Variants in IQCM observed in about 807,000 individuals in gnomAD.
The protein encoded by IQCM is IQ domain-containing protein M.
A neutral mutation model predicts 57.6 loss-of-function variants in IQCM; 45 were observed. That is an observed-to-expected ratio of 0.78 (90% CI 0.62 to 1.00). The LOEUF (loss-of-function observed/expected upper bound fraction) is 1.00. IQCM is among the 50% of genes least tolerant of loss of function. The pLI, the probability that IQCM is intolerant of heterozygous loss-of-function variation, is 0.00. For missense variants in IQCM, 468 were observed against 511.6 expected (o/e 0.91, Z 0.82); for synonymous variants, 148 against 158.9 (o/e 0.93, Z 0.51).
At chr4:149,689,029 G>A (rs1762753919) in intron 5 of IQCM, among the ~76,000 whole-genome samples, 1 of 152,032 alleles carries the variant, frequency 6.6e-6, no homozygotes, top group South Asian at 2.1e-4. Context: ...AATCCTTCTA[G>A]ACATTGGCTT....
chr4:149,353,027 A>C (rs1422495591), intron 13 of IQCM, among the ~76,000 whole-genome samples: 1 of 152,194 alleles, frequency 6.6e-6, no homozygotes, highest in Non-Finnish European at 1.5e-5. Context: ...GTTATAAGAA[A>C]CAAGGCATTG....
At chr4:149,577,160 A>ATT (rs1751738781) in intron 9 of IQCM, among the ~76,000 whole-genome samples, 1 of 151,836 alleles carries the variant, frequency 6.6e-6, no homozygotes, top group South Asian at 2.1e-4. Flanking sequence ...GTTTGCAAAC[A>ATT]TTTTCTCCCA....
intron 12 of IQCM, among the ~76,000 whole-genome samples, chr4:149,438,646 G>T (rs944191485): frequency 1.3e-5 from 2 of 152,016 alleles, no homozygotes; most frequent in African/African-American, 2.4e-5. Context: ...AGGATACAAA[G>T]TTATCAATAT....
intron 8 of IQCM, among the ~76,000 whole-genome samples, chr4:149,605,595 G>A (rs568251253): frequency 6.6e-6 from 1 of 152,126 alleles, no homozygotes; most frequent in Non-Finnish European, 1.5e-5. Flanking sequence ...GAAACATTAA[G>A]TAAAATAAAA....
At position 149,454,195 on chromosome 4, in the gene IQCM, C is replaced by CACACAT. The variant is rs1244053232; in HGVS notation, c.1229-20639_1229-20638insATGTGT. 1.4e-4 allele frequency among the ~76,000 whole-genome samples: 20 copies of CACACAT among 147,536 alleles called. 1 individual carries two copies. The highest frequency in any genetic ancestry group is 5.0e-4 in the African/African-American group (20 of 40,280). ...ACACACACACACACACACACACACA[C>CACACAT]ATATAAACACATACACACACAATTA... On this transcript the variant is annotated intron_variant, in intron 12 of 13. Coordinates refer to ENST00000636793, the MANE Select transcript of IQCM (RefSeq NM_001363507.2).
At chr4:149,733,560 T>C (rs1254779529) in intron 4 of IQCM, 52 bp from the exon 5 acceptor site, 7 of 888,788 alleles carry the variant, frequency 7.9e-6, no homozygotes, top group African/African-American at 1.7e-5. Flanking sequence ...TAGTATGCAT[T>C]ATTTAATAAA....
At chr4:149,650,897 T>C (rs1280811185) in intron 7 of IQCM, among the ~76,000 whole-genome samples, 1 of 152,212 alleles carries the variant, frequency 6.6e-6, no homozygotes, top group African/African-American at 2.4e-5. Flanking sequence ...GCATTTGCTT[T>C]AGTTCCTCAA....
At chr4:149,456,146 GA>G (rs2149702681) in intron 12 of IQCM, among the ~76,000 whole-genome samples, 1 of 152,126 alleles carries the variant, frequency 6.6e-6, no homozygotes, top group South Asian at 2.1e-4. Context: ...AAGACCCAAA[GA>G]AACAGGAAAA....
At chr4:149,639,674 A>C (rs1230795478) in intron 7 of IQCM, among the ~76,000 whole-genome samples, 2 of 151,632 alleles carry the variant, frequency 1.3e-5, no homozygotes, top group Non-Finnish European at 2.9e-5. Context: ...TAATCCCAGC[A>C]CTTTGGGAGG....
At chr4:149,617,475 C>T (rs1755898596) in intron 8 of IQCM, among the ~76,000 whole-genome samples, 2 of 152,006 alleles carry the variant, frequency 1.3e-5, no homozygotes, top group South Asian at 4.2e-4. Flanking sequence ...CAGACACACC[C>T]CCAACCATGT....
chr4:149,675,060 T>G (rs1473353206), intron 7 of IQCM, among the ~76,000 whole-genome samples: 1 of 151,994 alleles, frequency 6.6e-6, no homozygotes, highest in Non-Finnish European at 1.5e-5. Context: ...TATTGGAGAA[T>G]GTATGTATTA....
chr4:149,712,160 C>CG (rs1393409617), intron 5 of IQCM, among the ~76,000 whole-genome samples: 7 of 88,286 alleles, frequency 7.9e-5, no homozygotes, highest in Non-Finnish European at 3.0e-5. Flanking sequence ...CTCCAGGATT[C>CG]CAGGGTTCAG....
At chr4:149,354,706 G>A (rs771998481) in intron 13 of IQCM, among the ~76,000 whole-genome samples, 1 of 152,090 alleles carries the variant, frequency 6.6e-6, no homozygotes, top group Admixed American at 6.6e-5. Context: ...ACATTTCTGA[G>A]TGAATCCAGG....
chr4:149,446,411 A>G (rs1392865211), intron 12 of IQCM, among the ~76,000 whole-genome samples: 1 of 151,790 alleles, frequency 6.6e-6, no homozygotes, highest in African/African-American at 2.4e-5. Flanking sequence ...AATATGAATA[A>G]TACTTAAATT....
At chr4:149,671,987 G>A (rs1453156045) in intron 7 of IQCM, among the ~76,000 whole-genome samples, 2 of 152,094 alleles carry the variant, frequency 1.3e-5, no homozygotes, top group East Asian at 1.9e-4. Flanking sequence ...CTACACCTCC[G>A]CTGGTGATAC....
Position 149,405,045 on chromosome 4 carries a change from G to A in IQCM, c.1390+28351C>T, listed in dbSNP as rs542211732. 2.2e-3 allele frequency among the ~76,000 whole-genome samples: 340 copies of A among 152,072 alleles called. 2 individuals are homozygous for A. The highest frequency in any genetic ancestry group is 5.3e-3 in the African/African-American group (222 of 41,512). ...GTTCCACCTTGAAACAGAAAATTAT[G>A]TTTTGGAATAAAATGAGAGCTCATT... On this transcript the variant is annotated intron_variant, in intron 13 of 13. Transcript: ENST00000636793.
intron 12 of IQCM, among the ~76,000 whole-genome samples, chr4:149,513,493 G>T (rs1744631250): frequency 2.6e-5 from 4 of 152,092 alleles, no homozygotes; most frequent in Admixed American, 2.6e-4. Context: ...CCAAATGGAA[G>T]TACTAGAATA....
intron 13 of IQCM, among the ~76,000 whole-genome samples, chr4:149,390,960 C>G (rs1034798901): frequency 6.6e-6 from 1 of 151,526 alleles, no homozygotes; most frequent in Non-Finnish European, 1.5e-5. Flanking sequence ...CTCTCCTCTT[C>G]TACTCTTGAC....
intron 12 of IQCM, among the ~76,000 whole-genome samples, chr4:149,441,558 G>A (rs796582711): frequency 2.0e-5 from 3 of 152,256 alleles, no homozygotes; most frequent in African/African-American, 7.2e-5. Context: ...TGGGTTAGCA[G>A]CTGAGTCATT....
Sources: allele counts gnomAD v4.1 joint callset (sites outside exome capture counted in the v4.1 genomes callset), GRCh38; gene constraint gnomAD v4.1.1; transcripts MANE v1.5; gene names NCBI Gene and HGNC (gene_info 2026-07-23, HGNC 2026-07-21).